The following RECQL5 variants were observed in gnomAD, a reference collection of about 807,000 sequenced individuals.
RECQL5 encodes the protein ATP-dependent DNA helicase Q5.
Under a neutral mutation model 103.4 loss-of-function variants are expected in RECQL5, and 88 were observed. The ratio of observed to expected loss-of-function variants is 0.85; its 90% CI spans 0.72 to 1.02. The LOEUF (loss-of-function observed/expected upper bound fraction) is 1.02. RECQL5 is among the 50% of genes least tolerant of loss of function. RECQL5 has a pLI of 0.00. For missense variants in RECQL5, 1,232 were observed against 1,284.3 expected (o/e 0.96, Z 0.62); for synonymous variants, 552 against 507.9 (o/e 1.09, Z -1.17).
At chr17:75,627,738 G>A (rs908182642) in intron 18 of RECQL5, 46 bp from the exon 19 acceptor site, 14 of 1,549,122 alleles carry the variant, frequency 9.0e-6, no homozygotes, top group Non-Finnish European at 1.2e-5. Context: ...GACCCTTGGT[G>A]GCCGGGCGCA....
chr17:75,650,740 A>G (rs1318058879), intron 8 of RECQL5: 1 of 1,609,294 alleles, frequency 6.2e-7, no homozygotes, highest in Admixed American at 1.7e-5. Context: ...GGTAAAACAG[A>G]TGCGTGAGTT....
chr17:75,645,176 CCTT>C (rs2059475183), intron 8 of RECQL5, among the ~76,000 whole-genome samples: 1 of 152,186 alleles, frequency 6.6e-6, no homozygotes, highest in African/African-American at 2.4e-5. Flanking sequence ...GGTGTGAAAA[CCTT>C]CTGGGTTTTT....
At position 75,629,179 on chromosome 17, in the gene RECQL5, C is replaced by T. The variant is rs746387845; in HGVS notation, c.2244G>A (p.Lys748=). 40 of 1,613,592 alleles carry T rather than the reference C, an allele frequency of 2.5e-5. 3 individuals carry two copies. In the South Asian group the frequency reaches 4.1e-4, roughly 16 times the overall value. Residue 748 remains lysine, a synonymous_variant, in exon 16 of 20, where the codon AAG becomes AAA. Transcript: ENST00000317905. The part of the protein sequence containing the change: ...GSSLAKGRAS[K]KQQLLATAAH... ...CCGCTGTGGCTAGGAGCTGCTGTTT[C>T]TTGCTAGCCCGGCCCTTGGCAAGGG...
intron 8 of RECQL5, among the ~76,000 whole-genome samples, chr17:75,635,542 G>C (rs2059305237): frequency 6.6e-6 from 1 of 152,222 alleles, no homozygotes; most frequent in Admixed American, 6.5e-5. Flanking sequence ...CCTGCCAGGG[G>C]TTCAAGCACC....
At chr17:75,650,445 G>A in intron 8 of RECQL5, 1 of 1,339,030 alleles carries the variant, frequency 7.5e-7, no homozygotes, top group African/African-American at 1.5e-5. Flanking sequence ...AAAATCAGGA[G>A]ACGGGTGTTT....
chr17:75,631,886 C>T (rs1189756338), intron 8 of RECQL5, among the ~76,000 whole-genome samples: 2 of 152,278 alleles, frequency 1.3e-5, no homozygotes, highest in Non-Finnish European at 2.9e-5. Context: ...CCCAAGGTCA[C>T]GTAACACATG....
intron 14 of RECQL5, 62 bp from the exon 15 acceptor site, chr17:75,629,904 A>T (rs2059174861): frequency 3.9e-6 from 6 of 1,538,016 alleles, no homozygotes; most frequent in Non-Finnish European, 5.3e-6. Flanking sequence ...TGCCCCACCT[A>T]GCCCTCCTTT....
Position 75,640,223 on chromosome 17 carries a change from C to T in RECQL5, c.1230-8555G>A. The T allele has an allele frequency of 1.3e-6, 2 of 1,550,446 alleles. No individual in the cohort carries two copies. Among genetic ancestry groups the T allele is most frequent in the South Asian group, 1.2e-5 (1 of 83,980 alleles). On this transcript the variant is annotated intron_variant, in intron 8 of 19. Transcript: ENST00000317905. The surrounding 1 kb of genome is among the most constrained non-coding windows in gnomAD (Gnocchi z 4.6). ...CGGCATGGCTGCCACCGACTTCGTG[C>T]AGGAGATGCGCGCCGTGGGCGAGAG...
At position 75,630,846 on chromosome 17, in the gene RECQL5, G is replaced by A. The variant is rs541964796; in HGVS notation, c.1586-9C>T. The A allele has an allele frequency of 1.3e-4, 187 of 1,453,534 alleles. 2 individuals carry two copies. In the South Asian group the frequency reaches 2.1e-3, roughly 16 times the overall value. 90.0% of individuals were successfully genotyped at this position (1,453,534 alleles called of 1,614,324 possible). A position where few individuals can be genotyped will look rare whatever the true frequency, so the allele number is the denominator to read the frequency against. ...CAGGGGACAGTTCTCATCTGTGGGGGGGGGGGGTGGTCCTTGGTCCTTTCG... is the reference window on the plus strand; with the variant it reads ...CAGGGGACAGTTCTCATCTGTGGGGAGGGGGGGTGGTCCTTGGTCCTTTCG... On this transcript the variant is annotated splice_polypyrimidine_tract_variant and intron_variant, in intron 11 of 19. Transcript: ENST00000317905.
In RECQL5 at chr17:75,640,906, C is replaced by T. The variant is rs1332241396; in HGVS notation, c.1230-9238G>A. ...AGCCGACACCACCATGACGGACGGG[C>T]GATGGCTGAGGAGAAGCTGGAGAGG... On this transcript the variant is annotated intron_variant, in intron 8 of 19. Coordinates refer to ENST00000317905, the MANE Select transcript of RECQL5 (RefSeq NM_004259.7). This position sits in a 1 kb window ranked among gnomAD's most constrained non-coding sequence, Gnocchi z 4.6. 2.1e-5 allele frequency: 33 copies of T among 1,541,768 alleles called. No homozygotes were observed. Among genetic ancestry groups the T allele is most frequent in the Admixed American group, 1.8e-4 (9 of 50,986 alleles).
In RECQL5 at chr17:75,662,553, C is replaced by A; in HGVS notation, c.697G>T (p.Glu233Ter). Residue 233 changes from glutamate to a stop codon, truncating the protein, a stop_gained, in exon 4 of 20, where the codon GAA becomes TAA. Coordinates refer to ENST00000317905, the MANE Select transcript of RECQL5 (RefSeq NM_004259.7). LOFTEE classifies it high-confidence loss of function. Reference sequence around the variant, plus strand: ...TTCCCATAGGGATCAGAAATCAGTTCCTTGAATTGCACATCATAGAAGAGG... The same window carrying A: ...TTCCCATAGGGATCAGAAATCAGTTACTTGAATTGCACATCATAGAAGAGG... Reference protein sequence around the residue: ...ANLFYDVQFKELISDPYGNLK... With the variant: ...ANLFYDVQFK 6.2e-7 allele frequency: 1 copy of A among 1,614,150 alleles called. No homozygotes were observed. The highest frequency in any genetic ancestry group is 8.5e-7 in the Non-Finnish European group (1 of 1,180,018).
At position 75,630,691 on chromosome 17, in the gene RECQL5, G is replaced by C. The variant is rs1300246169; in HGVS notation, c.1646C>G (p.Ala549Gly). 1 of 1,613,610 alleles carries C rather than the reference G, an allele frequency of 6.2e-7. No individual in the cohort carries two copies. The highest frequency in any genetic ancestry group is 1.7e-5 in the Admixed American group (1 of 60,014). Reference sequence around the variant, plus strand: ...CAGAAGCCGCAGGCAGTGCTCCCGTGCCTGGCACAGGACAGTGAGACTGGT... The same window carrying C: ...CAGAAGCCGCAGGCAGTGCTCCCGTCCCTGGCACAGGACAGTGAGACTGGT... ...SRRIPRLTVK[A>G]REHCLRLLEE... The change falls in exon 13 of 20, where the codon GCA becomes GGA. Residue 549 changes from alanine (A) to glycine (G), a missense_variant and splice_region_variant. Coordinates refer to ENST00000317905, the MANE Select transcript of RECQL5 (RefSeq NM_004259.7).
intron 3 of RECQL5, among the ~76,000 whole-genome samples, chr17:75,664,626 G>A (rs1402963749): frequency 6.6e-6 from 1 of 152,076 alleles, no homozygotes; most frequent in Non-Finnish European, 1.5e-5. Context: ...GAAAATAAGA[G>A]GCAGGGGCGG....
At chr17:75,656,007 A>ATT (rs1173136693) in intron 7 of RECQL5, among the ~76,000 whole-genome samples, 2 of 151,024 alleles carry the variant, frequency 1.3e-5, no homozygotes, top group African/African-American at 4.9e-5. Flanking sequence ...TCTTGGTGAG[A>ATT]TTTTAGTTTT....
At chr17:75,628,628 C>A (rs1326725510) in intron 17 of RECQL5, 44 bp downstream of exon 17, 2 of 1,548,934 alleles carry the variant, frequency 1.3e-6, no homozygotes, top group African/African-American at 1.4e-5. Flanking sequence ...TGGCCTCGCC[C>A]ACAGCCCTTC....
chr17:75,631,732 C>T (rs150795697), intron 8 of RECQL5, 64 bp from the exon 9 acceptor site: 47 of 1,554,746 alleles, frequency 3.0e-5, no homozygotes, highest in Middle Eastern at 2.3e-4. Flanking sequence ...TCTGTTCACC[C>T]GAGCCTGAAT....
chr17:75,641,023 CCCAGGTA>C, intron 8 of RECQL5: 1 of 1,449,182 alleles, frequency 6.9e-7, no homozygotes, highest in South Asian at 1.4e-5. Context: ...TCTGGCCCAG[CCCAGGTA>C]CCTGGACACT....
intron 3 of RECQL5, among the ~76,000 whole-genome samples, chr17:75,664,059 A>G (rs997913378): frequency 6.7e-6 from 1 of 148,412 alleles, no homozygotes; most frequent in Non-Finnish European, 1.5e-5. Context: ...CATCTCAAAA[A>G]AAAAAAAAAA....
At position 75,627,666 on chromosome 17, in the gene RECQL5, G is replaced by A; in HGVS notation, c.2832C>T (p.His944=). ...SKELFKGFAR[H]LSHLLTQKTS... ...TCTTCTGAGTCAGCAAGTGTGAGAG[G>A]TGGCGGGCAAAGCCTTTAAACAACT... Residue 944 remains histidine, a synonymous_variant, in exon 19 of 20, where the codon CAC becomes CAT. Coordinates refer to ENST00000317905, the MANE Select transcript of RECQL5 (RefSeq NM_004259.7). 1 of 1,610,950 alleles carries A rather than the reference G, an allele frequency of 6.2e-7. No homozygotes were observed. Among genetic ancestry groups the A allele is most frequent in the Non-Finnish European group, 8.5e-7 (1 of 1,178,528 alleles).
Sources: gnomAD v4.1 joint callset for allele counts (sites outside exome capture counted in the v4.1 genomes callset) on GRCh38, gnomAD v4.1.1 for gene constraint, Gnocchi (gnomAD v3.1) non-coding constraint, MANE v1.5 for transcripts, NCBI Gene and HGNC (gene_info 2026-07-23, HGNC 2026-07-21) for gene names.